The following CTNNA3 variants were observed in gnomAD, a reference collection of about 807,000 sequenced individuals.
CTNNA3 encodes the protein catenin alpha 3.
CTNNA3 carries 76 observed loss-of-function variants against 95.7 expected under a neutral mutation model. The observed-to-expected ratio is 0.79, with a 90% CI of 0.66 to 0.96. The LOEUF (loss-of-function observed/expected upper bound fraction) is 0.96. Ranked by LOEUF, CTNNA3 falls within the 40% of genes least tolerant of loss-of-function variation. CTNNA3 has a pLI of 0.00. For synonymous variants in CTNNA3, 431 were observed against 374.4 expected, an observed-to-expected ratio of 1.15 and a Z score of -1.74; for missense variants, 1,191 against 1,089.8, an observed-to-expected ratio of 1.09 and a Z score of -1.31.
At chr10:67,700,757 C>T (rs565322102), upstream of CTNNA3, among the ~76,000 whole-genome samples, 191 of 152,264 alleles carry the variant, frequency 1.3e-3, no homozygotes, top group East Asian at 9.3e-3. Context: ...TCACCAGCAA[C>T]GGAACAAAGC....
In CTNNA3 at chr10:66,351,735, G is replaced by T. The variant is rs553661171; in HGVS notation, c.1732+27417C>A. Among the ~76,000 whole-genome samples, 220 of 152,088 alleles carry T rather than the reference G, an allele frequency of 1.4e-3. 3 individuals are homozygous for T. Among genetic ancestry groups the T allele is most frequent in the Middle Eastern group, 3.4e-3 (1 of 294 alleles). On this transcript the variant is annotated intron_variant, in intron 12 of 17. Transcript: ENST00000433211. ...ATGGGAAGGTCAAGACAACTTCCTA[G>T]TTTGATGAGTTTTGTAAGATATTTC...
intron 5 of CTNNA3, among the ~76,000 whole-genome samples, chr10:67,359,239 TAA>T (rs958948530): frequency 7.5e-5 from 10 of 132,982 alleles, no homozygotes; most frequent in Admixed American, 1.5e-4. Context: ...GACATAACTT[TAA>T]AAAAAAAAAA....
At chr10:67,731,471 ACT>A (rs1280914646) in intron 1 of CTNNA3, among the ~76,000 whole-genome samples, 1 of 149,298 alleles carries the variant, frequency 6.7e-6, no homozygotes, top group Admixed American at 6.7e-5. Context: ...ACAGAGCAAG[ACT>A]CTGTCTCCAA....
intron 7 of CTNNA3, among the ~76,000 whole-genome samples, chr10:67,104,092 T>C (rs897788913): frequency 2.0e-5 from 3 of 151,792 alleles, no homozygotes; most frequent in African/African-American, 7.2e-5. Flanking sequence ...CCAAAATTGA[T>C]AAAGAAATAT....
At chr10:66,520,568 T>G (rs1252680462) in intron 11 of CTNNA3, 49 bp downstream of exon 11, 1 of 1,536,860 alleles carries the variant, frequency 6.5e-7, no homozygotes, top group Non-Finnish European at 8.9e-7. Context: ...TATTCTATTT[T>G]ATAAAATTGA....
chr10:66,262,119 G>T (rs1300023219), intron 13 of CTNNA3, among the ~76,000 whole-genome samples: 1 of 152,006 alleles, frequency 6.6e-6, no homozygotes, highest in Non-Finnish European at 1.5e-5. Context: ...TGAATTTGGA[G>T]TCAGGAGACC....
At chr10:66,601,769 A>G (rs184814855) in intron 10 of CTNNA3, among the ~76,000 whole-genome samples, 7 of 151,998 alleles carry the variant, frequency 4.6e-5, no homozygotes, top group Admixed American at 2.6e-4. Flanking sequence ...TGGTGTACAT[A>G]TAATAGACTT....
intron 7 of CTNNA3, among the ~76,000 whole-genome samples, chr10:67,082,796 T>C (rs1043251416): frequency 6.6e-6 from 1 of 152,194 alleles, no homozygotes; most frequent in Non-Finnish European, 1.5e-5. Context: ...AAGGATTAGA[T>C]ATCAGTCATG....
intron 5 of CTNNA3, among the ~76,000 whole-genome samples, chr10:67,241,576 C>A (rs1245297307): frequency 1.3e-5 from 2 of 151,990 alleles, no homozygotes; most frequent in African/African-American, 4.8e-5. Flanking sequence ...AGAAACAGAC[C>A]ACTTGTTTCC....
At chr10:66,139,608 C>T (rs2083513234) in intron 13 of CTNNA3, among the ~76,000 whole-genome samples, 2 of 152,062 alleles carry the variant, frequency 1.3e-5, no homozygotes, top group South Asian at 2.1e-4. Flanking sequence ...GGGTTGTGTT[C>T]CCCCCTTTTC....
intron 10 of CTNNA3, among the ~76,000 whole-genome samples, chr10:66,560,336 G>A (rs1005914157): frequency 6.6e-6 from 1 of 151,904 alleles, no homozygotes; most frequent in Non-Finnish European, 1.5e-5. Context: ...CTACCTCATG[G>A]CACTGTTGTC....
Position 66,056,448 on chromosome 10 carries a change from A to AT in CTNNA3, c.2159+12859dup, listed in dbSNP as rs1217158206. 4.0e-5 allele frequency among the ~76,000 whole-genome samples: 6 copies of AT among 151,514 alleles called. No homozygotes were observed. In the South Asian group the frequency reaches 8.4e-4, roughly 21 times the overall value. ...TCTGTTTGCTAGTATTTTGTTGAGT[A>AT]TTTTTTTTATCATGTTCATCAGAGG... On this transcript the variant is annotated intron_variant, in intron 15 of 17. Coordinates refer to ENST00000433211, the MANE Select transcript of CTNNA3 (RefSeq NM_013266.4).
chr10:66,365,373 C>A (rs2092704221), intron 12 of CTNNA3, among the ~76,000 whole-genome samples: 2 of 152,044 alleles, frequency 1.3e-5, no homozygotes, highest in Admixed American at 1.3e-4. Flanking sequence ...CATCACACAC[C>A]AGGACCTCTC....
In CTNNA3 at chr10:66,360,658, TCTTCCTTCCTTCCTTCCTTC is replaced by T. The variant is rs367718579; in HGVS notation, c.1732+18474_1732+18493del. ...TTCTTTCTTTCTTTCTTTCTTTCTT[TCTTCCTTCCTTCCTTCCTTC>T]CTTCCTTCCTTCCTTTTCTTTCTTT... On this transcript the variant is annotated intron_variant, in intron 12 of 17. Transcript: ENST00000433211. Among the ~76,000 whole-genome samples, 6 of 48,982 alleles carry T rather than the reference TCTTCCTTCCTTCCTTCCTTC, an allele frequency of 1.2e-4. No individual in the cohort carries two copies. The South Asian group carries it at 2.8e-3, about 23-fold the overall frequency. The allele number at this position is 48,982 out of a possible 152,430, so 32.1% of individuals were successfully genotyped here. A position where few individuals can be genotyped will look rare whatever the true frequency, so the allele number is the denominator to read the frequency against.
intron 1 of CTNNA3, among the ~76,000 whole-genome samples, chr10:67,720,301 T>C (rs1035537891): frequency 6.6e-6 from 1 of 151,218 alleles, no homozygotes; most frequent in Non-Finnish European, 1.5e-5. Flanking sequence ...TCTATGAGGC[T>C]ATTGAGTCTA....
intron 7 of CTNNA3, among the ~76,000 whole-genome samples, chr10:67,066,083 C>T (rs1199039208): frequency 1.3e-5 from 2 of 152,050 alleles, no homozygotes; most frequent in East Asian, 3.9e-4. Flanking sequence ...ACTTTTAGTT[C>T]TCTCAATCAT....
At chr10:65,928,017 T>C (rs1208437571) in intron 17 of CTNNA3, among the ~76,000 whole-genome samples, 1 of 152,198 alleles carries the variant, frequency 6.6e-6, no homozygotes, top group Non-Finnish European at 1.5e-5. Flanking sequence ...TAAAGAGAAA[T>C]GTCACTGTTT....
chr10:67,228,771 G>A lies in CTNNA3; in HGVS notation c.580-8901C>T, dbSNP rs567677113. 8.0e-4 allele frequency among the ~76,000 whole-genome samples: 121 copies of A among 152,070 alleles called. 1 individual carries two copies. Among genetic ancestry groups the A allele is most frequent in the African/African-American group, 2.8e-3 (116 of 41,506 alleles). The stretch of plus-strand genomic sequence containing the variant: ...AAATACAACCCTCCTAGCTTAAATC[G>A]GTAAGAATTAGATACCCTGAACAGA... On this transcript the variant is annotated intron_variant, in intron 5 of 17. Transcript: ENST00000433211.
intron 7 of CTNNA3, among the ~76,000 whole-genome samples, chr10:66,964,778 G>T (rs1181008644): frequency 6.6e-6 from 1 of 152,256 alleles, no homozygotes; most frequent in Admixed American, 6.5e-5. Flanking sequence ...GGAAAAGGGA[G>T]GAGATAAAGC....
Sources: allele counts gnomAD v4.1 joint callset (sites outside exome capture counted in the v4.1 genomes callset), GRCh38; gene constraint gnomAD v4.1.1; transcripts MANE v1.5; gene names NCBI Gene and HGNC (gene_info 2026-07-23, HGNC 2026-07-21).